The following SEMA6D variants were observed in gnomAD, a reference collection of about 807,000 sequenced individuals.
The protein encoded by SEMA6D is semaphorin-6D.
In SEMA6D, 35 loss-of-function variants were observed where a neutral mutation model predicts 106.6. The observed-to-expected ratio is 0.33, with a 90% CI of 0.25 to 0.44. SEMA6D has a LOEUF of 0.44. SEMA6D is among the 20% of genes least tolerant of loss of function. The probability of loss-of-function intolerance (pLI) is 1.00; values close to 1 mark genes in which losing one functional copy is unlikely to be tolerated. For missense variants in SEMA6D, 1,185 were observed against 1,345.9 expected, an observed-to-expected ratio of 0.88 and a Z score of 1.87; for synonymous variants, 499 against 487.7, an observed-to-expected ratio of 1.02 and a Z score of -0.31.
intron 1 of SEMA6D, among the ~76,000 whole-genome samples, chr15:47,729,843 G>A (rs2080002799): frequency 6.6e-6 from 1 of 152,186 alleles, no homozygotes; most frequent in East Asian, 1.9e-4. Context: ...AAGGCTGTCA[G>A]AGCAATTCGA....
chr15:47,731,013 G>A lies in SEMA6D; in HGVS notation c.-55+13321G>A, dbSNP rs946440193. ...ACAATCAAATACCATGCTGATTTTA[G>A]AAAATATTAATCTACTTCATGAATG... On this transcript the variant is annotated intron_variant, in intron 1 of 18. Transcript: ENST00000536845. 3 of 601,846 alleles carry A rather than the reference G, an allele frequency of 5.0e-6. No individual in the cohort carries two copies. In the African/African-American group the frequency reaches 5.6e-5, roughly 11 times the overall value. 37.3% of individuals were successfully genotyped at this position (601,846 alleles called of 1,614,324 possible).
chr15:47,706,146 G>A (rs1040265425), intron 4 of SEMA6D, among the ~76,000 whole-genome samples: 7 of 152,210 alleles, frequency 4.6e-5, no homozygotes, highest in African/African-American at 7.2e-5. Context: ...GTGGGATCTT[G>A]AGAGCTCTCT....
intron 4 of SEMA6D, among the ~76,000 whole-genome samples, chr15:47,697,808 A>T (rs1306435084): frequency 6.6e-6 from 1 of 152,234 alleles, no homozygotes; most frequent in African/African-American, 2.4e-5. Flanking sequence ...CGAAGGGCTT[A>T]TAGCATCCTC....
At chr15:47,602,509 G>A (rs374949298) in intron 4 of SEMA6D, among the ~76,000 whole-genome samples, 1 of 151,974 alleles carries the variant, frequency 6.6e-6, no homozygotes, top group African/African-American at 2.4e-5. Context: ...GGGGGCTTGT[G>A]GGGAGAGATT....
At chr15:47,322,279 A>AT (rs200999593) in intron 1 of SEMA6D, among the ~76,000 whole-genome samples, 23,016 of 138,916 alleles carry the variant, frequency 0.17, 1,920 homozygotes, top group East Asian at 0.36. Context: ...TTCACTAGTT[A>AT]TTTTTTTTTT....
chr15:47,550,967 T>TC (rs2045668028), intron 3 of SEMA6D, among the ~76,000 whole-genome samples: 1 of 152,262 alleles, frequency 6.6e-6, no homozygotes, highest in East Asian at 1.9e-4. Flanking sequence ...AGGCATAAAT[T>TC]CCCCATAACA....
At chr15:47,425,302 C>G (rs2041294394) in intron 2 of SEMA6D, among the ~76,000 whole-genome samples, 1 of 151,986 alleles carries the variant, frequency 6.6e-6, no homozygotes, top group African/African-American at 2.4e-5. Context: ...GAGTGATCCC[C>G]TATCTGCAGT....
chr15:47,289,162 G>A (rs1161982197), intron 1 of SEMA6D, among the ~76,000 whole-genome samples: 1 of 151,898 alleles, frequency 6.6e-6, no homozygotes, highest in Non-Finnish European at 1.5e-5. Context: ...TTGGAAGGCC[G>A]AGGCAGGTGA....
intron 4 of SEMA6D, among the ~76,000 whole-genome samples, chr15:47,625,412 C>G (rs73390987): frequency 0.034 from 5,137 of 152,170 alleles, 288 homozygotes; most frequent in African/African-American, 0.12. Context: ...TTTTTATGTT[C>G]CATCTTTATC....
intron 1 of SEMA6D, among the ~76,000 whole-genome samples, chr15:47,278,661 T>C (rs977541099): frequency 4.6e-5 from 7 of 152,074 alleles, no homozygotes; most frequent in African/African-American, 7.2e-5. Flanking sequence ...CCATTGCTTT[T>C]GGTGTTTTAG....
intron 3 of SEMA6D, among the ~76,000 whole-genome samples, chr15:47,529,610 A>AG (rs1290778572): frequency 6.6e-6 from 1 of 151,386 alleles, no homozygotes; most frequent in East Asian, 1.9e-4. Context: ...CACTAAAAAA[A>AG]AAAAAAAAAA....
At chr15:47,479,746 T>C (rs900187011) in intron 3 of SEMA6D, among the ~76,000 whole-genome samples, 14 of 152,086 alleles carry the variant, frequency 9.2e-5, no homozygotes, top group Non-Finnish European at 2.1e-4. Flanking sequence ...TAAAAAGAGA[T>C]GCCACTTCCC....
At chr15:47,677,413 C>A (rs765826125) in intron 4 of SEMA6D, among the ~76,000 whole-genome samples, 4 of 152,130 alleles carry the variant, frequency 2.6e-5, no homozygotes, top group African/African-American at 9.7e-5. Context: ...TCCCTCATGA[C>A]CTAGCCTTTC....
Position 47,511,846 on chromosome 15 carries a change from C to T in SEMA6D, c.-87+41301C>T, listed in dbSNP as rs146680260. 9.2e-5 allele frequency among the ~76,000 whole-genome samples: 14 copies of T among 152,208 alleles called. No individual in the cohort carries two copies. In the East Asian group the frequency reaches 2.7e-3, roughly 30 times the overall value. On this transcript the variant is annotated intron_variant, in intron 3 of 19. Transcript: ENST00000558014. ...GGCTTTTGGCACCCCTCAGGCCACACATGTGCTGTGTGAGCCATTGCAGTC... is the reference window on the plus strand; with the variant it reads ...GGCTTTTGGCACCCCTCAGGCCACATATGTGCTGTGTGAGCCATTGCAGTC...
chr15:47,531,992 C>T (rs939720957), intron 3 of SEMA6D, among the ~76,000 whole-genome samples: 6 of 152,106 alleles, frequency 3.9e-5, no homozygotes, highest in Non-Finnish European at 7.4e-5. Flanking sequence ...TACAATGGCA[C>T]CTCTACTCTT....
intron 3 of SEMA6D, among the ~76,000 whole-genome samples, chr15:47,532,957 A>G (rs1471138174): frequency 6.6e-6 from 1 of 151,538 alleles, no homozygotes; most frequent in Non-Finnish European, 1.5e-5. Context: ...TTGTTTGATG[A>G]TATTGATGAT....
At chr15:47,553,335 A>G (rs1197099247) in intron 3 of SEMA6D, among the ~76,000 whole-genome samples, 1 of 152,134 alleles carries the variant, frequency 6.6e-6, no homozygotes, top group Non-Finnish European at 1.5e-5. Flanking sequence ...ACTTTATCAC[A>G]TAATTGCCTC....
chr15:47,443,997 T>G (rs1410298980), intron 2 of SEMA6D, among the ~76,000 whole-genome samples: 1 of 152,178 alleles, frequency 6.6e-6, no homozygotes, highest in Non-Finnish European at 1.5e-5. Context: ...TCATGGTATC[T>G]TGGGGATGTG....
intron 3 of SEMA6D, among the ~76,000 whole-genome samples, chr15:47,565,158 G>A (rs1398796740): frequency 6.6e-6 from 1 of 152,188 alleles, no homozygotes; most frequent in Non-Finnish European, 1.5e-5. Context: ...TTCTGAAGAT[G>A]GCAGAGCTAA....
Sources: allele counts gnomAD v4.1 joint callset (sites outside exome capture counted in the v4.1 genomes callset), GRCh38; gene constraint gnomAD v4.1.1; transcripts MANE v1.5; gene names NCBI Gene and HGNC (gene_info 2026-07-23, HGNC 2026-07-21).